The following SEMA3E variants were observed in gnomAD, a reference collection of about 807,000 sequenced individuals.
The protein encoded by SEMA3E is semaphorin 3E, also known as semaphorin-3E.
Under a neutral mutation model 93.6 loss-of-function variants are expected in SEMA3E, and 49 were observed. The ratio of observed to expected loss-of-function variants is 0.52; its 90% CI spans 0.42 to 0.66. The LOEUF is 0.66. Among genes scored for constraint, SEMA3E ranks in the 30% least tolerant of loss-of-function variants. The pLI is 0.00. For missense variants in SEMA3E, 906 were observed against 964.8 expected, an observed-to-expected ratio of 0.94 and a Z score of 0.81; for synonymous variants, 363 against 330.7, an observed-to-expected ratio of 1.10 and a Z score of -1.06.
rs73708078 is a variant in SEMA3E at position 83,548,423 on chromosome 7, A to T, written c.116-58149T>A. On this transcript the variant is annotated intron_variant, in intron 1 of 16. Transcript: ENST00000643230. ...TACAATATTCTAGTTAAGTCCAAAA[A>T]CTATCTCTTTATCTAAATTAAATTA... is the stretch of plus-strand genomic sequence containing the variant. Among the ~76,000 whole-genome samples the T allele has an allele frequency of 1.6e-3, 247 of 152,188 alleles. 1 individual carries two copies. Among genetic ancestry groups the T allele is most frequent in the African/African-American group, 5.4e-3 (226 of 41,540 alleles).
intron 1 of SEMA3E, among the ~76,000 whole-genome samples, chr7:83,550,079 CA>C (rs34903192): frequency 0.57 from 86,939 of 151,784 alleles, 26,606 homozygotes; most frequent in African/African-American, 0.8. Context: ...AATCAATCCA[CA>C]AAAAAATATG....
intron 1 of SEMA3E, among the ~76,000 whole-genome samples, chr7:83,501,571 GC>G (rs1790598710): frequency 6.6e-6 from 1 of 152,096 alleles, no homozygotes; most frequent in Non-Finnish European, 1.5e-5. Flanking sequence ...TTGTGCCTCA[GC>G]CTCCCAAGTA....
intron 1 of SEMA3E, among the ~76,000 whole-genome samples, chr7:83,637,158 A>G (rs933301354): frequency 2.6e-5 from 4 of 152,082 alleles, no homozygotes; most frequent in Non-Finnish European, 5.9e-5. Context: ...CTTGTTTACA[A>G]TATACATTGT....
At chr7:83,485,059 C>T (rs2722993) in intron 2 of SEMA3E, among the ~76,000 whole-genome samples, 150,626 of 152,308 alleles carry the variant, frequency 0.99, 74,496 homozygotes, top group East Asian at 1. Flanking sequence ...TATTCTATCA[C>T]TGGCAACTCT....
intron 1 of SEMA3E, among the ~76,000 whole-genome samples, chr7:83,614,180 G>T (rs895115989): frequency 5.9e-5 from 9 of 152,082 alleles, no homozygotes; most frequent in African/African-American, 2.2e-4. Context: ...CCTAAGATGG[G>T]AGAAGAAGGA....
chr7:83,481,481 T>C (rs961658775), intron 2 of SEMA3E, among the ~76,000 whole-genome samples: 7 of 152,274 alleles, frequency 4.6e-5, no homozygotes, highest in African/African-American at 1.7e-4. Flanking sequence ...ATCTGGGGAT[T>C]TTAGAGACTT....
chr7:83,388,106 C>T (rs1359848984), intron 14 of SEMA3E, among the ~76,000 whole-genome samples: 2 of 148,236 alleles, frequency 1.3e-5, no homozygotes, highest in South Asian at 2.1e-4. Flanking sequence ...CTCAGGAGTT[C>T]GAGACCAGCC....
At chr7:83,576,919 G>A (rs1792417304) in intron 1 of SEMA3E, among the ~76,000 whole-genome samples, 1 of 152,126 alleles carries the variant, frequency 6.6e-6, no homozygotes, top group Non-Finnish European at 1.5e-5. Context: ...ACCATGCCCA[G>A]CCAACTCATC....
chr7:83,446,811 T>A (rs2713176), intron 4 of SEMA3E, among the ~76,000 whole-genome samples: 95,415 of 152,098 alleles, frequency 0.63, 33,475 homozygotes, highest in East Asian at 1. Context: ...CTTCCTTTTT[T>A]CATTTGTTAA....
chr7:83,400,297 G>A, intron 10 of SEMA3E, 47 bp from the exon 11 acceptor site: 1 of 1,548,196 alleles, frequency 6.5e-7, no homozygotes, highest in Non-Finnish European at 8.9e-7. Context: ...TACACCCAAA[G>A]AGAAAATTTA....
intron 2 of SEMA3E, among the ~76,000 whole-genome samples, chr7:83,479,588 A>C (rs556036481): frequency 1.5e-3 from 221 of 152,280 alleles, no homozygotes; most frequent in Non-Finnish European, 2.4e-3. Flanking sequence ...GGCGGTGCTT[A>C]CTATGTTCCA....
intron 1 of SEMA3E, among the ~76,000 whole-genome samples, chr7:83,521,475 A>AT (rs375930624): frequency 3.3e-5 from 5 of 152,186 alleles, no homozygotes; most frequent in Admixed American, 6.5e-5. Context: ...TTTAAGTTTC[A>AT]TTTTTTTCCT....
chr7:83,558,395 G>T (rs906805268), intron 1 of SEMA3E, among the ~76,000 whole-genome samples: 2 of 151,918 alleles, frequency 1.3e-5, no homozygotes, highest in East Asian at 3.9e-4. Context: ...ATAATTTTGT[G>T]GTCTACTGTG....
intron 1 of SEMA3E, among the ~76,000 whole-genome samples, chr7:83,546,726 A>G (rs1791658632): frequency 6.6e-6 from 1 of 152,042 alleles, no homozygotes; most frequent in African/African-American, 2.4e-5. Flanking sequence ...TTGTATCACT[A>G]TGTCTCATAT....
At chr7:83,640,490 G>T (rs302124) in intron 1 of SEMA3E, among the ~76,000 whole-genome samples, 74,464 of 151,888 alleles carry the variant, frequency 0.49, 18,795 homozygotes, top group Middle Eastern at 0.59. Flanking sequence ...CAGCTTCCCA[G>T]CGGAAAAACA....
intron 1 of SEMA3E, among the ~76,000 whole-genome samples, chr7:83,563,449 T>C (rs1792078125): frequency 1.3e-5 from 2 of 152,214 alleles, no homozygotes. Flanking sequence ...ACATACTCCA[T>C]GTTAATGCCT....
chr7:83,384,750 T>C (rs1466457546), intron 16 of SEMA3E, among the ~76,000 whole-genome samples: 1 of 152,104 alleles, frequency 6.6e-6, no homozygotes, highest in Non-Finnish European at 1.5e-5. Context: ...ATTTAGATGA[T>C]GAAAGAGCGG....
At chr7:83,456,564 G>A (rs1051766161) in intron 4 of SEMA3E, among the ~76,000 whole-genome samples, 5 of 150,086 alleles carry the variant, frequency 3.3e-5, no homozygotes, top group Admixed American at 6.6e-5. Flanking sequence ...GACTTTTTAT[G>A]TTTTTCTCCA....
chr7:83,426,467 A>G (rs1788771028), intron 4 of SEMA3E, among the ~76,000 whole-genome samples: 1 of 152,198 alleles, frequency 6.6e-6, no homozygotes, highest in African/African-American at 2.4e-5. Context: ...AATTAATGTA[A>G]GAACAGGAAA....
Sources: gnomAD v4.1 joint callset for allele counts (sites outside exome capture counted in the v4.1 genomes callset) on GRCh38, gnomAD v4.1.1 for gene constraint, MANE v1.5 for transcripts, NCBI Gene and HGNC (gene_info 2026-07-23, HGNC 2026-07-21) for gene names.